Variants in ERMARD observed in about 807,000 individuals in gnomAD.
The protein encoded by ERMARD is ER membrane associated RNA degradation, also known as endoplasmic reticulum membrane-associated RNA degradation protein.
Under a neutral mutation model 83.9 loss-of-function variants are expected in ERMARD, and 71 were observed. The observed-to-expected ratio is 0.85, with a 90% CI of 0.70 to 1.03. ERMARD has a LOEUF of 1.03. ERMARD is among the 50% of genes least tolerant of loss of function. The probability of loss-of-function intolerance (pLI) is 0.00; values close to 1 mark genes in which losing one functional copy is unlikely to be tolerated. For synonymous variants in ERMARD, 284 were observed against 298.6 expected, an observed-to-expected ratio of 0.95 and a Z score of 0.50; for missense variants, 838 against 810.9, an observed-to-expected ratio of 1.03 and a Z score of -0.41.
At chr6:169,754,123 T>C in intron 2 of ERMARD, 91 bp downstream of exon 2, 1 of 1,273,824 alleles carries the variant, frequency 7.9e-7, no homozygotes, top group Non-Finnish European at 1.1e-6. Flanking sequence ...CATTGGTTCC[T>C]TTTGTTAGAT....
intron 5 of ERMARD, among the ~76,000 whole-genome samples, chr6:169,758,245 A>G (rs999487223): frequency 4.6e-5 from 7 of 152,238 alleles, no homozygotes; most frequent in African/African-American, 1.4e-4. Flanking sequence ...AGGCTCAACC[A>G]TACTTTCTCC....
intron 11 of ERMARD, 82 bp from the exon 12 acceptor site, chr6:169,769,458 C>A: frequency 7.4e-7 from 1 of 1,351,366 alleles, no homozygotes; most frequent in Non-Finnish European, 9.9e-7. Context: ...TGGATGCACT[C>A]TTTCCTTCTA....
Position 169,769,641 on chromosome 6 carries a change from TA to T in ERMARD, c.1163del (p.Asn388IlefsTer29). 1 of 1,613,114 alleles carries T rather than the reference TA, an allele frequency of 6.2e-7. No homozygotes were observed. The highest frequency in any genetic ancestry group is 1.7e-4 in the Middle Eastern group (1 of 6,056). The stretch of plus-strand genomic sequence containing the variant: ...TACATGAATTTTCAAAAGAAACAAC[TA>T]ATCAGTTGCTTGCATTTTCTCTTGT... ...NLHEFSKETT[N>X]QLLAFSLVLL... On this transcript the variant is annotated frameshift_variant, in exon 12 of 18. Transcript: ENST00000366773. LOFTEE classifies it high-confidence loss of function.
upstream of ERMARD, chr6:169,751,534 G>C (rs887469304): frequency 1.2e-6 from 2 of 1,610,572 alleles, no homozygotes; most frequent in African/African-American, 2.7e-5. Flanking sequence ...GTCCCGCGAG[G>C]GCGGAAGTCT....
chr6:169,774,813 G>A (rs1020323411), intron 13 of ERMARD, among the ~76,000 whole-genome samples: 1 of 151,478 alleles, frequency 6.6e-6, no homozygotes, highest in Non-Finnish European at 1.5e-5. Context: ...CTGGAAGTTG[G>A]CCAGGGGCTT....
intron 10 of ERMARD, 150 bp from the exon 11 acceptor site, chr6:169,767,953 T>C (rs552223922): frequency 1.6e-6 from 1 of 630,876 alleles, no homozygotes; most frequent in South Asian, 2.0e-5. Flanking sequence ...CCTGAACACC[T>C]GTTTGCTGAA....
At chr6:169,755,131 A>G (rs1790633949) in intron 2 of ERMARD, 152 bp from the exon 3 acceptor site, 1 of 860,438 alleles carries the variant, frequency 1.2e-6, no homozygotes, top group South Asian at 2.0e-5. Flanking sequence ...TATTTCCAAC[A>G]ATATAAAAGT....
At position 169,775,950 on chromosome 6, in the gene ERMARD, A is replaced by G. The variant is rs376549574; in HGVS notation, c.1405A>G (p.Asn469Asp). The G allele has an allele frequency of 3.7e-6, 6 of 1,614,012 alleles. No homozygotes were observed. Among genetic ancestry groups the G allele is most frequent in the Non-Finnish European group, 4.2e-6 (5 of 1,180,050 alleles). Residue 469 changes from asparagine (N) to aspartate (D), a missense_variant, in exon 15 of 18, where the codon AAT (asparagine) becomes GAT (aspartate). Asn to Asp is a conservative substitution (Grantham distance 23). Coordinates refer to ENST00000366773, the MANE Select transcript of ERMARD (RefSeq NM_018341.3). Reference protein sequence around the residue: ...LTRQAVRLEDNSETNACHSLI... With the variant: ...LTRQAVRLEDDSETNACHSLI... ...TTTTCTGTTTTTCAGATTAGAAGATAATTCTGAAACAAATGCCTGCCACTC... is the reference window on the plus strand; with the variant it reads ...TTTTCTGTTTTTCAGATTAGAAGATGATTCTGAAACAAATGCCTGCCACTC...
At chr6:169,775,407 G>A in intron 14 of ERMARD, 61 bp downstream of exon 14, 1 of 1,560,062 alleles carries the variant, frequency 6.4e-7, no homozygotes, top group Non-Finnish European at 8.8e-7. Context: ...AGTTTCAGCA[G>A]CATTTCTTCT....
At chr6:169,759,216 A>G (rs1431413695) in intron 6 of ERMARD, 151 bp downstream of exon 6, 71 of 689,886 alleles carry the variant, frequency 1.0e-4, no homozygotes. Context: ...TTACTAGTGT[A>G]GTCACCAGAG....
chr6:169,776,500 C>G lies in ERMARD; in HGVS notation c.1566C>G (p.Thr522=), dbSNP rs774470188. ...AGCTCTGCAGCACACCTGTTCCCAC[C>G]CTGTTCTGCCCCAGGATTGTGCTGG... ...LRELCSTPVP[T]LFCPRIVLEV... The change falls in exon 16 of 18, where the codon ACC becomes ACG. Residue 522 remains threonine (T), a synonymous_variant. Coordinates refer to ENST00000366773, the MANE Select transcript of ERMARD (RefSeq NM_018341.3). 6.2e-7 allele frequency: 1 copy of G among 1,614,202 alleles called. No individual in the cohort carries two copies. The highest frequency in any genetic ancestry group is 1.1e-5 in the South Asian group (1 of 91,072).
chr6:169,775,319 C>G lies in ERMARD; in HGVS notation c.1367C>G (p.Pro456Arg), dbSNP rs772184520. 4 of 1,614,140 alleles carry G rather than the reference C, an allele frequency of 2.5e-6. No individual in the cohort carries two copies. The highest frequency in any genetic ancestry group is 2.5e-6 in the Non-Finnish European group (3 of 1,179,984). ...AGGGTTTGGGCTCTGCTGCCTTTCCCCGAAGAACTCACTCGGCAAGCCGTC... is the reference window on the plus strand; with the variant it reads ...AGGGTTTGGGCTCTGCTGCCTTTCCGCGAAGAACTCACTCGGCAAGCCGTC... ...SIRVWALLPF[P>R]EELTRQAVRL... Residue 456 changes from proline to arginine, a missense_variant, in exon 14 of 18, where the codon CCC becomes CGC. Pro to Arg is a moderately radical substitution (Grantham distance 103). Transcript: ENST00000366773.
Position 169,754,016 on chromosome 6 carries a change from GA to G in ERMARD, c.160del (p.Ser54AlafsTer15), listed in dbSNP as rs746340140. 1 of 1,611,888 alleles carries G rather than the reference GA, an allele frequency of 6.2e-7. No individual in the cohort carries two copies. The highest frequency in any genetic ancestry group is 8.5e-7 in the Non-Finnish European group (1 of 1,178,652). ...VCWKTITDCV[S>X]YTESEQGLDY... ...GCTGGAAAACAATCACAGACTGTGT[GA>G]GCTACACAGAGTCAGGTTTGTGCTG... On this transcript the variant is annotated frameshift_variant, in exon 2 of 18. Coordinates refer to ENST00000366773, the MANE Select transcript of ERMARD (RefSeq NM_018341.3). LOFTEE classifies it high-confidence loss of function.
In ERMARD at chr6:169,761,617, A is replaced by G. The variant is rs145713156; in HGVS notation, c.858-812A>G. ...AAAATGGTTCATCAAACATTAAAAC[A>G]CTGGAAAATGTTTTTAAAATCACTA... is the stretch of plus-strand genomic sequence containing the variant. On this transcript the variant is annotated intron_variant, in intron 8 of 17. Coordinates refer to ENST00000366773, the MANE Select transcript of ERMARD (RefSeq NM_018341.3). 1.7e-3 allele frequency among the ~76,000 whole-genome samples: 265 copies of G among 152,332 alleles called. 1 individual carries two copies. The highest frequency in any genetic ancestry group is 6.0e-3 in the African/African-American group (251 of 41,582).
chr6:169,779,921 G>A (rs1794017915), intron 17 of ERMARD, among the ~76,000 whole-genome samples: 1 of 152,190 alleles, frequency 6.6e-6, no homozygotes, highest in African/African-American at 2.4e-5. Context: ...TCCGGGCAGA[G>A]GTCAAACAAG....
chr6:169,771,026 A>G (rs890400551), intron 12 of ERMARD: 1 of 151,180 alleles, frequency 6.6e-6, no homozygotes, highest in Non-Finnish European at 1.5e-5. Flanking sequence ...AATTAAAAAT[A>G]TATGTATACA....
chr6:169,765,876 A>C (rs1380067105), intron 9 of ERMARD, among the ~76,000 whole-genome samples: 1 of 100,172 alleles, frequency 1.0e-5, no homozygotes, highest in Non-Finnish European at 2.0e-5. Flanking sequence ...ATCTCACTGA[A>C]GTGATTTCAT....
rs1377225373 is a variant in ERMARD at position 169,753,573 on chromosome 6, TAAG to T, written c.7-288_7-286del. 3.9e-5 allele frequency among the ~76,000 whole-genome samples: 6 copies of T among 152,054 alleles called. No individual in the cohort carries two copies. In the South Asian group the frequency reaches 1.0e-3, roughly 26 times the overall value. On this transcript the variant is annotated intron_variant, in intron 1 of 17. Coordinates refer to ENST00000366773, the MANE Select transcript of ERMARD (RefSeq NM_018341.3). ...TTTTTTAAGTGAAAGGCAAGTTTAT[TAAG>T]AAAGTAAAGGAATAAACAATGGCTA...
At chr6:169,752,444 A>C (rs185082270) in intron 1 of ERMARD, among the ~76,000 whole-genome samples, 39 of 152,338 alleles carry the variant, frequency 2.6e-4, no homozygotes, top group Admixed American at 1.6e-3. Flanking sequence ...TGTAGTCTGC[A>C]GAGTTCCAGC....
Sources: allele counts gnomAD v4.1 joint callset (sites outside exome capture counted in the v4.1 genomes callset), GRCh38; gene constraint gnomAD v4.1.1; transcripts MANE v1.5; gene names NCBI Gene and HGNC (gene_info 2026-07-23, HGNC 2026-07-21).